The following USH2A variants were observed in gnomAD, a reference collection of about 807,000 sequenced individuals.
USH2A encodes the protein Usher syndrome 2A (autosomal recessive, mild).
USH2A carries 443 observed loss-of-function variants against 538.9 expected under a neutral mutation model. The observed-to-expected ratio is 0.82, with a 90% CI of 0.76 to 0.89. USH2A has a LOEUF of 0.89. Among genes scored for constraint, USH2A ranks in the 40% least tolerant of loss-of-function variants. The probability of loss-of-function intolerance (pLI) is 0.00; values close to 1 mark genes in which losing one functional copy is unlikely to be tolerated. For synonymous variants in USH2A, 2,413 were observed against 2,273.5 expected, an observed-to-expected ratio of 1.06 and a Z score of -1.75; for missense variants, 6,633 against 6,324.8, an observed-to-expected ratio of 1.05 and a Z score of -1.65.
intron 14 of USH2A, among the ~76,000 whole-genome samples, chr1:216,222,607 A>T (rs1352024755): frequency 1.3e-5 from 2 of 152,164 alleles, no homozygotes; most frequent in African/African-American, 4.8e-5. Context: ...AGTCAGAGAG[A>T]AAACATGTAA....
intron 43 of USH2A, among the ~76,000 whole-genome samples, chr1:215,871,680 A>G (rs925635767): frequency 7.2e-5 from 11 of 152,206 alleles, no homozygotes; most frequent in Non-Finnish European, 1.6e-4. Flanking sequence ...CTGGAGCCAT[A>G]ATGTATATAA....
chr1:215,650,853 G>GAAAAAAA, intron 64 of USH2A, 52 bp from the exon 65 acceptor site: 2 of 1,232,012 alleles, frequency 1.6e-6, no homozygotes, highest in East Asian at 2.6e-5. Context: ...CTAAGGCTGG[G>GAAAAAAA]AAAAAAAAAA....
intron 32 of USH2A, among the ~76,000 whole-genome samples, chr1:216,039,820 C>T (rs2030185413): frequency 6.6e-6 from 1 of 151,798 alleles, no homozygotes; most frequent in South Asian, 2.1e-4. Context: ...CATCGTAAGA[C>T]TTAAGTGTTT....
intron 4 of USH2A, among the ~76,000 whole-genome samples, chr1:216,364,700 A>G (rs989182471): frequency 6.6e-6 from 1 of 152,178 alleles, no homozygotes; most frequent in Admixed American, 6.5e-5. Flanking sequence ...GAAGAGAGAC[A>G]TGGAATAGAT....
rs774015174 is a variant in USH2A, at chr1:215,879,039, C to G, written c.8283G>C (p.Met2761Ile). 6.2e-7 allele frequency: 1 copy of G among 1,614,018 alleles called. No homozygotes were observed. ...NGDILSYEIH[M>I]PDPHITLTNV... ...TGGTTAAAGTGATGTGAGGGTCAGG[C>G]ATGTGAATCTCATAGCTAAGTATGT... The change falls in exon 42 of 72, where the codon ATG becomes ATC. Residue 2761 changes from methionine (M) to isoleucine (I), a missense_variant. Coordinates refer to ENST00000307340, the MANE Select transcript of USH2A (RefSeq NM_206933.4).
intron 21 of USH2A, among the ~76,000 whole-genome samples, chr1:216,158,359 CTGAG>C (rs1292536033): frequency 6.6e-6 from 1 of 152,024 alleles, no homozygotes; most frequent in Non-Finnish European, 1.5e-5. Flanking sequence ...CCTCAGCCTC[CTGAG>C]TAACTGGGAC....
chr1:216,089,511 T>C (rs1047638695), intron 22 of USH2A, among the ~76,000 whole-genome samples: 3 of 151,990 alleles, frequency 2.0e-5, no homozygotes, highest in African/African-American at 7.2e-5. Flanking sequence ...AAGAGAAAAA[T>C]TTAAAACTCA....
At chr1:216,207,160 A>T (rs2035131671) in intron 16 of USH2A, 113 bp downstream of exon 16, 2 of 1,295,656 alleles carry the variant, frequency 1.5e-6, no homozygotes. Flanking sequence ...TGTTTGAAAC[A>T]CTCTGTGCCA....
At chr1:216,022,404 G>A (rs543719126) in intron 32 of USH2A, among the ~76,000 whole-genome samples, 3 of 152,192 alleles carry the variant, frequency 2.0e-5, no homozygotes, top group African/African-American at 4.8e-5. Flanking sequence ...ATAACCCAGC[G>A]AAAGCCCATG....
intron 11 of USH2A, among the ~76,000 whole-genome samples, chr1:216,271,582 C>T (rs542773058): frequency 6.6e-6 from 1 of 152,136 alleles, no homozygotes; most frequent in Admixed American, 6.6e-5. Context: ...GAGCAAACCT[C>T]CTTGCTTTGT....
At chr1:215,973,658 T>TC (rs57850812) in intron 35 of USH2A, among the ~76,000 whole-genome samples, 33,104 of 107,308 alleles carry the variant, frequency 0.31, 3,223 homozygotes, top group Non-Finnish European at 0.36. Context: ...TTCTTCTTCT[T>TC]TTTTTTTTTT....
intron 34 of USH2A, among the ~76,000 whole-genome samples, chr1:215,996,370 T>C (rs1306692703): frequency 6.6e-6 from 1 of 152,172 alleles, no homozygotes; most frequent in Admixed American, 6.5e-5. Flanking sequence ...CAGGAATATA[T>C]AATACTTAGA....
intron 61 of USH2A, among the ~76,000 whole-genome samples, chr1:215,698,956 G>A (rs866832561): frequency 3.3e-5 from 5 of 152,106 alleles, no homozygotes; most frequent in Admixed American, 1.3e-4. Flanking sequence ...TATGGTTTTA[G>A]GTCTTATGTT....
chr1:216,134,236 T>C (rs945613428), intron 21 of USH2A, among the ~76,000 whole-genome samples: 2 of 152,140 alleles, frequency 1.3e-5, no homozygotes, highest in Non-Finnish European at 2.9e-5. Context: ...TGAAAATTCT[T>C]CTCATATTTC....
intron 30 of USH2A, 36 bp downstream of exon 30, chr1:216,070,065 T>C: frequency 6.2e-7 from 1 of 1,609,786 alleles, no homozygotes; most frequent in Non-Finnish European, 8.5e-7. Flanking sequence ...AAAAAGGAAG[T>C]TAATAGGGTC....
chr1:216,077,963 A>G (rs2031808366), intron 27 of USH2A, 126 bp downstream of exon 27: 2 of 1,199,246 alleles, frequency 1.7e-6, no homozygotes, highest in Non-Finnish European at 2.4e-6. Flanking sequence ...ATTTCTCCAG[A>G]AAAAGAGATG....
chr1:215,861,375 T>C (rs1334802719), intron 44 of USH2A, among the ~76,000 whole-genome samples: 1 of 152,260 alleles, frequency 6.6e-6, no homozygotes, highest in Non-Finnish European at 1.5e-5. Flanking sequence ...AATGAGTTAG[T>C]TAGCGAAGCT....
chr1:216,009,071 C>T (rs1159837185), intron 32 of USH2A, among the ~76,000 whole-genome samples: 1 of 152,012 alleles, frequency 6.6e-6, no homozygotes, highest in Non-Finnish European at 1.5e-5. Flanking sequence ...TATTTCTGTG[C>T]CCCGACCTCT....
At chr1:215,933,686 G>A (rs1666419411) in intron 38 of USH2A, among the ~76,000 whole-genome samples, 2 of 152,010 alleles carry the variant, frequency 1.3e-5, no homozygotes, top group South Asian at 4.1e-4. Context: ...AACTGGAAGT[G>A]GGGTTAACCT....
Sources: allele counts gnomAD v4.1 joint callset (sites outside exome capture counted in the v4.1 genomes callset), GRCh38; gene constraint gnomAD v4.1.1; transcripts MANE v1.5; gene names NCBI Gene and HGNC (gene_info 2026-07-23, HGNC 2026-07-21).